The following NRP2 variants were observed in gnomAD, a reference collection of about 807,000 sequenced individuals.
NRP2 encodes neuropilin 2.
A neutral mutation model predicts 110.4 loss-of-function variants in NRP2; 52 were observed. The observed-to-expected ratio is 0.47, with a 90% CI of 0.38 to 0.59. NRP2 has a LOEUF of 0.59. Ranked by LOEUF, NRP2 falls within the 20% of genes least tolerant of loss-of-function variation. The pLI is 0.00. For missense variants in NRP2, 1,049 were observed against 1,203.0 expected, an observed-to-expected ratio of 0.87 and a Z score of 1.89; for synonymous variants, 508 against 468.9, an observed-to-expected ratio of 1.08 and a Z score of -1.08.
chr2:205,691,677 C>T (rs1388226045), intron 1 of NRP2, among the ~76,000 whole-genome samples: 1 of 152,086 alleles, frequency 6.6e-6, no homozygotes. Flanking sequence ...CTTCTGTTTC[C>T]TTCCCCAAAT....
In NRP2 at chr2:205,731,572, G is replaced by T. The variant is rs576331256; in HGVS notation, c.1146+3526G>T. ...GGGAGAGAGACTACTGCCCTTATTTGTCTAGGCAAAAGCCCTTATCTTCAG... is the reference window on the plus strand; with the variant it reads ...GGGAGAGAGACTACTGCCCTTATTTTTCTAGGCAAAAGCCCTTATCTTCAG... On this transcript the variant is annotated intron_variant, in intron 7 of 16. Transcript: ENST00000357785. 3.9e-5 allele frequency among the ~76,000 whole-genome samples: 6 copies of T among 152,284 alleles called. No homozygotes were observed. In the East Asian group the frequency reaches 1.2e-3, roughly 29 times the overall value.
intron 13 of NRP2, among the ~76,000 whole-genome samples, chr2:205,764,711 C>T (rs2057884899): frequency 6.6e-6 from 1 of 152,216 alleles, no homozygotes; most frequent in African/African-American, 2.4e-5. Context: ...CTGAAGACCA[C>T]AGAGCCGAGG....
At chr2:205,709,166 C>T (rs978482949) in intron 2 of NRP2, among the ~76,000 whole-genome samples, 14 of 152,156 alleles carry the variant, frequency 9.2e-5, no homozygotes, top group African/African-American at 2.9e-4. Flanking sequence ...AATAAAATCT[C>T]GAAAACTCAA....
rs545686663 is a variant in NRP2 at position 205,753,433 on chromosome 2, C to T, written c.2044+458C>T. Among the ~76,000 whole-genome samples the T allele has an allele frequency of 1.1e-4, 17 of 152,292 alleles. No individual in the cohort carries two copies. The South Asian group carries it at 3.5e-3, about 32-fold the overall frequency. Reference sequence around the variant, plus strand: ...GTCTCTGAGGGTGCCACTGCTTCTACACCAAGTCAATTTGAGGGACCAAAA... The same window carrying T: ...GTCTCTGAGGGTGCCACTGCTTCTATACCAAGTCAATTTGAGGGACCAAAA... On this transcript the variant is annotated intron_variant, in intron 12 of 16. Transcript: ENST00000357785.
chr2:205,707,811 G>A (rs1408585143), intron 2 of NRP2, among the ~76,000 whole-genome samples: 4 of 152,112 alleles, frequency 2.6e-5, no homozygotes, highest in Non-Finnish European at 5.9e-5. Context: ...CACCTATTCC[G>A]GAGGGAACTG....
chr2:205,754,111 T>G (rs1008404104), intron 12 of NRP2, among the ~76,000 whole-genome samples: 4 of 152,228 alleles, frequency 2.6e-5, no homozygotes, highest in Non-Finnish European at 5.9e-5. Flanking sequence ...CTGAGTGACT[T>G]TGAATTCTCC....
chr2:205,763,609 A>G lies in NRP2; in HGVS notation c.2045-65A>G. 6.2e-7 allele frequency: 1 copy of G among 1,607,432 alleles called. No homozygotes were observed. The highest frequency in any genetic ancestry group is 8.5e-7 in the Non-Finnish European group (1 of 1,175,210). On this transcript the variant is annotated intron_variant, in intron 12 of 16. Transcript: ENST00000357785. This position sits in a 1 kb window ranked among gnomAD's most constrained non-coding sequence, Gnocchi z 4.0. ...CCCAACTTTCCCTTGGAGAGGCCAC[A>G]GCAGCACACTGGTGTCTTTCCCGAG...
At chr2:205,793,224 G>C (rs1265005098) in intron 16 of NRP2, among the ~76,000 whole-genome samples, 1 of 152,182 alleles carries the variant, frequency 6.6e-6, no homozygotes, top group African/African-American at 2.4e-5. Flanking sequence ...CACTGGAATG[G>C]AGTAGAAAGG....
chr2:205,706,968 A>G (rs2056691665), intron 2 of NRP2, among the ~76,000 whole-genome samples: 1 of 152,190 alleles, frequency 6.6e-6, no homozygotes, highest in Non-Finnish European at 1.5e-5. Flanking sequence ...ATGAATAAAG[A>G]TCCTTCAAGG....
intron 2 of NRP2, among the ~76,000 whole-genome samples, chr2:205,709,945 C>T (rs1461083932): frequency 6.6e-6 from 1 of 152,228 alleles, no homozygotes; most frequent in Non-Finnish European, 1.5e-5. Context: ...TGAACTCTTA[C>T]AAGCTAGATT....
intron 1 of NRP2, among the ~76,000 whole-genome samples, chr2:205,684,013 C>G (rs368901170): frequency 6.6e-5 from 10 of 152,278 alleles, no homozygotes; most frequent in African/African-American, 2.4e-4. Flanking sequence ...GAAAGTAAAT[C>G]GTACGTTCTT....
chr2:205,736,444 G>A (rs1001388000), intron 7 of NRP2, among the ~76,000 whole-genome samples: 30 of 152,178 alleles, frequency 2.0e-4, no homozygotes, highest in Admixed American at 2.0e-3. Context: ...TAACATACAA[G>A]GCAACCCACC....
rs185727327 is a variant in NRP2 at position 205,761,104 on chromosome 2, T to A, written c.2045-2570T>A. 6.9e-3 allele frequency among the ~76,000 whole-genome samples: 1,045 copies of A among 152,326 alleles called. 5 individuals are homozygous for A. Among genetic ancestry groups the A allele is most frequent in the Non-Finnish European group, 8.8e-3 (602 of 68,030 alleles). ...GGTGCACCTCACCTTTGAAAGTGGC[T>A]GTTGGCTTGGGAGGGTAGAGGGAAT... On this transcript the variant is annotated intron_variant, in intron 12 of 16. Coordinates refer to ENST00000357785, the MANE Select transcript of NRP2 (RefSeq NM_003872.3).
chr2:205,741,034 G>A (rs849574), intron 8 of NRP2, among the ~76,000 whole-genome samples: 19,800 of 152,082 alleles, frequency 0.13, 1,575 homozygotes, highest in East Asian at 0.4. Context: ...TAGAGCCATG[G>A]TTTGAATCTA....
intron 15 of NRP2, among the ~76,000 whole-genome samples, chr2:205,770,806 G>T (rs934056326): frequency 5.9e-5 from 9 of 152,180 alleles, no homozygotes; most frequent in African/African-American, 2.2e-4. Flanking sequence ...TTAAGGCTAG[G>T]TGTTGCTGAG....
At chr2:205,785,734 C>T (rs1009473635) in intron 15 of NRP2, among the ~76,000 whole-genome samples, 2 of 152,188 alleles carry the variant, frequency 1.3e-5, no homozygotes, top group African/African-American at 4.8e-5. Context: ...AGCTGCTCAT[C>T]CGCCTCCACA....
chr2:205,749,906 C>T (rs1275474760), intron 11 of NRP2, 65 bp downstream of exon 11: 4 of 1,299,506 alleles, frequency 3.1e-6, no homozygotes, highest in Non-Finnish European at 3.3e-6. Flanking sequence ...TGGCCTGTGG[C>T]TGGACAGGGA....
chr2:205,703,586 G>A (rs1413708062), intron 2 of NRP2, among the ~76,000 whole-genome samples: 1 of 152,198 alleles, frequency 6.6e-6, no homozygotes, highest in African/African-American at 2.4e-5. Flanking sequence ...GCATTTGGCA[G>A]GGGACATGAT....
chr2:205,752,483 C>A (rs191406828), intron 11 of NRP2: 1 of 341,662 alleles, frequency 2.9e-6, no homozygotes, highest in Non-Finnish European at 5.6e-6. Flanking sequence ...CACCAGGGCA[C>A]TGGGGAGACA....
Sources: allele counts gnomAD v4.1 joint callset (sites outside exome capture counted in the v4.1 genomes callset), GRCh38; gene constraint gnomAD v4.1.1; non-coding constraint Gnocchi (gnomAD v3.1); transcripts MANE v1.5; gene names NCBI Gene and HGNC (gene_info 2026-07-23, HGNC 2026-07-21).